GTF2IRD1: variants seen among roughly 807,000 people sequenced by gnomAD.
The protein encoded by GTF2IRD1 is GTF2I repeat domain containing 1.
Under a neutral mutation model 113.2 loss-of-function variants are expected in GTF2IRD1, and 26 were observed. The observed-to-expected ratio is 0.23, with a 90% confidence interval of 0.17 to 0.32. GTF2IRD1 has a LOEUF of 0.32. Among genes scored for constraint, GTF2IRD1 ranks in the 10% least tolerant of loss-of-function variants. The pLI is 1.00. For synonymous variants in GTF2IRD1, 484 were observed against 529.1 expected, an observed-to-expected ratio of 0.91 and a Z score of 1.17; for missense variants, 864 against 1,280.8, an observed-to-expected ratio of 0.67 and a Z score of 4.97.
intron 17 of GTF2IRD1, among the ~76,000 whole-genome samples, chr7:74,549,768 G>A (rs1554354411): frequency 6.6e-6 from 1 of 152,100 alleles, no homozygotes; most frequent in Admixed American, 6.6e-5. Flanking sequence ...GGGTGCGGTG[G>A]CTCACGCCTG....
intron 22 of GTF2IRD1, among the ~76,000 whole-genome samples, chr7:74,570,528 T>G (rs1188580043): frequency 1.3e-5 from 2 of 151,018 alleles, no homozygotes; most frequent in East Asian, 3.9e-4. Context: ...GTGGCACACA[T>G]CTGTAGTCTC....
chr7:74,540,867 C>T (rs1184779666), intron 14 of GTF2IRD1, among the ~76,000 whole-genome samples: 3 of 151,850 alleles, frequency 2.0e-5, no homozygotes, highest in Admixed American at 6.6e-5. Flanking sequence ...CTCCACCTCC[C>T]GGCTTCAAGC....
At chr7:74,505,509 C>A (rs1160207955) in intron 1 of GTF2IRD1, among the ~76,000 whole-genome samples, 1 of 152,208 alleles carries the variant, frequency 6.6e-6, no homozygotes, top group African/African-American at 2.4e-5. Flanking sequence ...TCTCTGTGTC[C>A]CTCCCTCCTG....
In GTF2IRD1 at chr7:74,557,734, A is replaced by T; in HGVS notation, c.2107+12A>T. The T allele has an allele frequency of 6.4e-7, 1 of 1,558,482 alleles. No individual in the cohort carries two copies. Among genetic ancestry groups the T allele is most frequent in the Non-Finnish European group, 8.8e-7 (1 of 1,130,906 alleles). On this transcript the variant is annotated intron_variant, in intron 20 of 26. Transcript: ENST00000424337. Reference sequence around the variant, plus strand: ...CAATAAGAAATACGGTAAGCAGTGCAGAACCCCCGGGGAGGGACACGCAGC... The same window carrying T: ...CAATAAGAAATACGGTAAGCAGTGCTGAACCCCCGGGGAGGGACACGCAGC...
intron 1 of GTF2IRD1, among the ~76,000 whole-genome samples, chr7:74,468,708 G>C (rs1793899551): frequency 8.4e-6 from 1 of 118,816 alleles, no homozygotes; most frequent in African/African-American, 2.8e-5. Flanking sequence ...GTGTGTGTGT[G>C]TGTGTGTGTG....
chr7:74,480,387 G>T (rs1183431078), intron 1 of GTF2IRD1, among the ~76,000 whole-genome samples: 1 of 152,218 alleles, frequency 6.6e-6, no homozygotes, highest in East Asian at 1.9e-4. Context: ...AGGGGCCCCA[G>T]TGCAGGGGCA....
At chr7:74,562,258 T>A (rs1205465924) in intron 22 of GTF2IRD1, among the ~76,000 whole-genome samples, 1 of 152,144 alleles carries the variant, frequency 6.6e-6, no homozygotes, top group African/African-American at 2.4e-5. Flanking sequence ...GCAGACCCCT[T>A]CATCTGGAGG....
intron 9 of GTF2IRD1, among the ~76,000 whole-genome samples, chr7:74,532,790 T>C (rs1798048598): frequency 6.6e-6 from 1 of 152,126 alleles, no homozygotes; most frequent in Non-Finnish European, 1.5e-5. Flanking sequence ...CTCCCAGGAC[T>C]GGTGTTTTTG....
intron 1 of GTF2IRD1, among the ~76,000 whole-genome samples, chr7:74,474,026 C>G (rs954491343): frequency 6.6e-5 from 10 of 151,790 alleles, no homozygotes; most frequent in African/African-American, 2.4e-4. Context: ...GAGTTCGAGA[C>G]CAGGCTGGCC....
At position 74,602,497 on chromosome 7, in the gene GTF2IRD1, TG is replaced by T. The variant is rs1399784344; in HGVS notation, c.*65del. 11 of 1,397,112 alleles carry T rather than the reference TG, an allele frequency of 7.9e-6. No homozygotes were observed. The East Asian group carries it at 2.5e-4, about 32-fold the overall frequency. 86.5% of individuals were successfully genotyped at this position (1,397,112 alleles called of 1,614,324 possible). A position where few individuals can be genotyped will look rare whatever the true frequency, so the allele number is the denominator to read the frequency against. Reference sequence around the variant, plus strand: ...AAGGAAATGTAATTTATGTACAAAATGTATATTCGGATATGTATCGATGCCT... The same window carrying T: ...AAGGAAATGTAATTTATGTACAAAATTATATTCGGATATGTATCGATGCCT... On this transcript the variant is annotated 3_prime_UTR_variant, in exon 27 of 27. Transcript: ENST00000424337.
rs112098981 is a variant in GTF2IRD1 at position 74,518,158 on chromosome 7, C to G, written c.441C>G (p.Ala147=). The G allele has an allele frequency of 7.1e-4, 1,129 of 1,596,838 alleles. 4 individuals carry two copies. In the African/African-American group the frequency reaches 0.011, roughly 15 times the overall value. The change falls in exon 5 of 27, where the codon GCC becomes GCG. Residue 147 remains alanine (A), a synonymous_variant. Transcript: ENST00000424337. ...CTACAGGCGAGGCCCTGGGAAGGGCCAGTGTGGTGCCACTGCCCTATGAGA... is the reference window on the plus strand; with the variant it reads ...CTACAGGCGAGGCCCTGGGAAGGGCGAGTGTGGTGCCACTGCCCTATGAGA... The part of the protein sequence containing the change: ...DVLYSEALGR[A]SVVPLPYERL...
At chr7:74,601,375 G>T (rs1195271770) in intron 26 of GTF2IRD1, 195 bp downstream of exon 26, 3 of 1,515,248 alleles carry the variant, frequency 2.0e-6, no homozygotes, top group East Asian at 4.9e-5. Flanking sequence ...TTCTCGTGGG[G>T]TACTCACAGG....
intron 1 of GTF2IRD1, among the ~76,000 whole-genome samples, chr7:74,482,424 C>G (rs1232624798): frequency 6.6e-6 from 1 of 151,730 alleles, no homozygotes; most frequent in African/African-American, 2.4e-5. Flanking sequence ...GTCAGGGTCT[C>G]TCTGTGTTGT....
rs587621805 is a variant in GTF2IRD1, at chr7:74,539,957, A to G, written c.1607A>G (p.Glu536Gly). ...TCGGAGGATTCTGGTTATGGGATGGAGATGCTGACAGGTAAGAAATGGACC... is the reference window on the plus strand; with the variant it reads ...TCGGAGGATTCTGGTTATGGGATGGGGATGCTGACAGGTAAGAAATGGACC... ...LPSEDSGYGM[E>G]MLTDKGLSED... The change falls in exon 14 of 27, where the codon GAG becomes GGG. Residue 536 changes from glutamate (E) to glycine (G), a missense_variant. By Grantham distance (98) the Glu-to-Gly change is moderately conservative. This residue lies in a region of GTF2IRD1 where 218 missense variants were observed against 352.6 expected (regional missense o/e 0.62). Coordinates refer to ENST00000424337, the MANE Select transcript of GTF2IRD1 (RefSeq NM_005685.4). The G allele has an allele frequency of 1.2e-6, 2 of 1,611,068 alleles. No homozygotes were observed. The highest frequency in any genetic ancestry group is 1.3e-5 in the African/African-American group (1 of 74,934).
intron 1 of GTF2IRD1, among the ~76,000 whole-genome samples, chr7:74,483,469 C>A (rs1794856981): frequency 6.6e-6 from 1 of 152,052 alleles, no homozygotes; most frequent in South Asian, 2.1e-4. Flanking sequence ...TCGCTTGAGC[C>A]CAGGAATTTG....
intron 22 of GTF2IRD1, among the ~76,000 whole-genome samples, chr7:74,578,764 G>A (rs1261762823): frequency 3.9e-5 from 6 of 152,176 alleles, no homozygotes; most frequent in African/African-American, 7.2e-5. Context: ...GGCAGGCCAC[G>A]ACGGGAGGAT....
intron 2 of GTF2IRD1, 60 bp downstream of exon 2, chr7:74,508,263 A>G (rs1796412705): frequency 6.4e-7 from 1 of 1,559,374 alleles, no homozygotes; most frequent in Non-Finnish European, 8.7e-7. Flanking sequence ...CCTGCCTTGT[A>G]GCTCAAGTCC....
At chr7:74,456,466 G>A (rs993223532) in intron 1 of GTF2IRD1, among the ~76,000 whole-genome samples, 5 of 151,974 alleles carry the variant, frequency 3.3e-5, no homozygotes, top group African/African-American at 7.3e-5. Context: ...GGTGGATCAC[G>A]AGGTCAGGAG....
intron 1 of GTF2IRD1, among the ~76,000 whole-genome samples, chr7:74,469,998 A>T (rs558519233): frequency 6.6e-6 from 1 of 151,900 alleles, no homozygotes; most frequent in East Asian, 1.9e-4. Flanking sequence ...CATTTTATTT[A>T]TTTAGTGTTT....
Sources: gnomAD v4.1 joint callset for allele counts (sites outside exome capture counted in the v4.1 genomes callset) on GRCh38, gnomAD v4.1.1 for gene constraint, gnomAD v4.1.1 regional missense constraint, MANE v1.5 for transcripts, NCBI Gene and HGNC (gene_info 2026-07-23, HGNC 2026-07-21) for gene names.